The following SEMA5A variants were observed in gnomAD, a reference collection of about 807,000 sequenced individuals.
SEMA5A encodes semaphorin-5A.
Under a neutral mutation model 135.5 loss-of-function variants are expected in SEMA5A, and 55 were observed. The ratio of observed to expected loss-of-function variants is 0.41; its 90% CI spans 0.33 to 0.51. The LOEUF (loss-of-function observed/expected upper bound fraction) is 0.51, where lower values mean the gene tolerates loss of function less well. SEMA5A is among the 20% of genes least tolerant of loss of function. The probability of loss-of-function intolerance (pLI) is 0.37; values close to 1 mark genes in which losing one functional copy is unlikely to be tolerated. For synonymous variants in SEMA5A, 580 were observed against 546.5 expected, an observed-to-expected ratio of 1.06 and a Z score of -0.85; for missense variants, 1,290 against 1,419.9, an observed-to-expected ratio of 0.91 and a Z score of 1.47.
At chr5:9,384,647 GATAGATAGATAGAT>G (rs1561208136) in intron 2 of SEMA5A, among the ~76,000 whole-genome samples, 14 of 69,446 alleles carry the variant, frequency 2.0e-4, no homozygotes, top group Admixed American at 1.4e-4. Context: ...TAGATAGATA[GATAGATAGATAGAT>G]ATAGATAGAT....
intron 1 of SEMA5A, among the ~76,000 whole-genome samples, chr5:9,451,831 C>T (rs963923519): frequency 2.0e-5 from 3 of 152,168 alleles, no homozygotes; most frequent in African/African-American, 7.2e-5. Flanking sequence ...CGTCTTCTTT[C>T]CTGCACGGCT....
intron 1 of SEMA5A, among the ~76,000 whole-genome samples, chr5:9,483,621 C>T (rs913864709): frequency 1.3e-5 from 2 of 152,170 alleles, no homozygotes; most frequent in Non-Finnish European, 2.9e-5. Flanking sequence ...TTAAAGCTGG[C>T]TGAAAATCCC....
intron 4 of SEMA5A, among the ~76,000 whole-genome samples, chr5:9,319,528 C>G (rs984871163): frequency 1.3e-5 from 2 of 152,038 alleles, no homozygotes; most frequent in East Asian, 3.9e-4. Flanking sequence ...TAACCTACCT[C>G]AGTATTCTTT....
chr5:9,138,856 G>A (rs563891313), intron 12 of SEMA5A, among the ~76,000 whole-genome samples: 4 of 152,292 alleles, frequency 2.6e-5, no homozygotes, highest in East Asian at 3.9e-4. Context: ...AACATGCGAC[G>A]TTTGCTTTTC....
At chr5:9,399,628 T>C (rs1232304805) in intron 2 of SEMA5A, among the ~76,000 whole-genome samples, 2 of 152,206 alleles carry the variant, frequency 1.3e-5, no homozygotes, top group Non-Finnish European at 2.9e-5. Flanking sequence ...TTATATCTTA[T>C]GTAAAGCTGT....
Position 9,289,384 on chromosome 5 carries a change from A to G in SEMA5A, c.270+28988T>C, listed in dbSNP as rs572213618. On this transcript the variant is annotated intron_variant, in intron 5 of 22. Transcript: ENST00000382496. ...TAATTTTTAGTTTAAAAACTTCTAT[A>G]ACTGAAGTGGACAACTCAAACAGAT... Among the ~76,000 whole-genome samples, 3 of 152,330 alleles carry G rather than the reference A, an allele frequency of 2.0e-5. No homozygotes were observed. The South Asian group carries it at 6.2e-4, about 32-fold the overall frequency.
At chr5:9,331,911 A>G (rs1753151588) in intron 4 of SEMA5A, among the ~76,000 whole-genome samples, 1 of 152,270 alleles carries the variant, frequency 6.6e-6, no homozygotes, top group Admixed American at 6.5e-5. Context: ...ATAAACGAAA[A>G]GGATCAGAAA....
intron 12 of SEMA5A, among the ~76,000 whole-genome samples, chr5:9,138,378 TTA>T (rs1437451417): frequency 2.0e-5 from 3 of 152,166 alleles, no homozygotes; most frequent in African/African-American, 7.2e-5. Flanking sequence ...TTGTTATTGT[TTA>T]TAGGCAAATA....
intron 11 of SEMA5A, among the ~76,000 whole-genome samples, chr5:9,185,885 G>C (rs769497944): frequency 5.9e-5 from 9 of 152,150 alleles, no homozygotes; most frequent in African/African-American, 2.2e-4. Flanking sequence ...AGCCCAGAGC[G>C]GCAGCCACAT....
chr5:9,352,099 G>GGGGGC (rs369347671), intron 3 of SEMA5A, among the ~76,000 whole-genome samples: 1 of 148,538 alleles, frequency 6.7e-6, no homozygotes. Flanking sequence ...CAGGTCGGGG[G>GGGGGC]GGTTACTTAA....
chr5:9,489,726 T>C (rs1016753689), intron 1 of SEMA5A, among the ~76,000 whole-genome samples: 4 of 152,182 alleles, frequency 2.6e-5, no homozygotes, highest in Admixed American at 1.3e-4. Flanking sequence ...TGGGAATAGC[T>C]GATATAAATT....
intron 12 of SEMA5A, among the ~76,000 whole-genome samples, chr5:9,138,562 A>G (rs1311246392): frequency 6.6e-6 from 1 of 152,060 alleles, no homozygotes; most frequent in Non-Finnish European, 1.5e-5. Flanking sequence ...TGATGAACCA[A>G]CATTTATTTA....
chr5:9,098,180 T>C (rs886067449), intron 16 of SEMA5A, among the ~76,000 whole-genome samples: 4 of 151,764 alleles, frequency 2.6e-5, no homozygotes, highest in African/African-American at 9.7e-5. Flanking sequence ...GAGGCAGAGG[T>C]TGCAGTGAAC....
intron 12 of SEMA5A, among the ~76,000 whole-genome samples, chr5:9,151,327 T>A (rs1157091326): frequency 6.6e-6 from 1 of 152,208 alleles, no homozygotes; most frequent in East Asian, 1.9e-4. Flanking sequence ...GTTTCCCTTT[T>A]TAAATACTTC....
At chr5:9,335,488 G>C (rs1023686357) in intron 4 of SEMA5A, among the ~76,000 whole-genome samples, 1 of 152,184 alleles carries the variant, frequency 6.6e-6, no homozygotes, top group Non-Finnish European at 1.5e-5. Flanking sequence ...TGTTCACACA[G>C]CACCCAGGAC....
intron 1 of SEMA5A, among the ~76,000 whole-genome samples, chr5:9,442,226 G>A (rs1758263279): frequency 6.6e-6 from 1 of 152,216 alleles, no homozygotes; most frequent in Non-Finnish European, 1.5e-5. Context: ...GTGGTTAATG[G>A]CTGAGGGCTT....
intron 2 of SEMA5A, among the ~76,000 whole-genome samples, chr5:9,407,775 T>C (rs1341957741): frequency 6.6e-6 from 1 of 152,156 alleles, no homozygotes; most frequent in African/African-American, 2.4e-5. Flanking sequence ...GTTGATGCAG[T>C]GGCCTGCCAG....
chr5:9,399,113 G>C (rs1170636227), intron 2 of SEMA5A, among the ~76,000 whole-genome samples: 1 of 152,184 alleles, frequency 6.6e-6, no homozygotes, highest in East Asian at 1.9e-4. Flanking sequence ...CTAAGAGAAA[G>C]AAAATATCTG....
intron 5 of SEMA5A, among the ~76,000 whole-genome samples, chr5:9,291,262 T>C (rs1453447648): frequency 6.6e-6 from 1 of 152,142 alleles, no homozygotes; most frequent in Non-Finnish European, 1.5e-5. Flanking sequence ...ATTTTGCACT[T>C]CGCGGATGGT....
Sources: allele counts gnomAD v4.1 joint callset (sites outside exome capture counted in the v4.1 genomes callset), GRCh38; gene constraint gnomAD v4.1.1; transcripts MANE v1.5; gene names NCBI Gene and HGNC (gene_info 2026-07-23, HGNC 2026-07-21).